ANO3: variants seen among roughly 807,000 people sequenced by gnomAD.
ANO3 encodes anoctamin 3.
In ANO3, 99 loss-of-function variants were observed where a neutral mutation model predicts 144.8. That is an observed-to-expected ratio of 0.68 (90% confidence interval 0.58 to 0.81). The LOEUF (loss-of-function observed/expected upper bound fraction) is 0.81, where lower values mean the gene tolerates loss of function less well. Ranked by LOEUF, ANO3 falls within the 30% of genes least tolerant of loss-of-function variation. ANO3 has a pLI of 0.00. For synonymous variants in ANO3, 414 were observed against 392.6 expected (o/e 1.05, Z -0.64); for missense variants, 905 against 1,202.2 (o/e 0.75, Z 3.66).
chr11:26,546,578 G>A (rs920397494), intron 11 of ANO3, among the ~76,000 whole-genome samples: 15 of 152,012 alleles, frequency 9.9e-5, no homozygotes, highest in African/African-American at 3.6e-4. Flanking sequence ...CCAAACAGTG[G>A]TAAAGAAGTC....
chr11:26,410,378 T>G (rs2133985089), intron 1 of ANO3, among the ~76,000 whole-genome samples: 1 of 152,068 alleles, frequency 6.6e-6, no homozygotes, highest in South Asian at 2.1e-4. Flanking sequence ...TTAACTGAGG[T>G]TATATCAGAA....
intron 1 of ANO3, among the ~76,000 whole-genome samples, chr11:26,388,257 T>C (rs1428382447): frequency 6.6e-6 from 1 of 151,834 alleles, no homozygotes; most frequent in Non-Finnish European, 1.5e-5. Context: ...AATACTTTAG[T>C]AGATGAACCC....
intron 8 of ANO3, 83 bp from the exon 9 acceptor site, chr11:26,534,367 TCATATG>T: frequency 1.3e-6 from 1 of 753,980 alleles, no homozygotes; most frequent in South Asian, 2.1e-5. Flanking sequence ...TTACTATGCT[TCATATG>T]CATTAGCTTT....
intron 3 of ANO3, among the ~76,000 whole-genome samples, chr11:26,446,699 T>C (rs1327285665): frequency 2.6e-5 from 4 of 152,234 alleles, no homozygotes; most frequent in African/African-American, 9.6e-5. Context: ...CTCTGAGCTT[T>C]AGTGATTTCA....
chr11:26,308,398 CT>C (rs1854431771), upstream of ANO3, among the ~76,000 whole-genome samples: 4 of 152,310 alleles, frequency 2.6e-5, no homozygotes, highest in South Asian at 8.3e-4. Context: ...ACAGAATTCA[CT>C]CAACCATTAT....
intron 18 of ANO3, among the ~76,000 whole-genome samples, chr11:26,628,897 A>G (rs1852677910): frequency 6.6e-6 from 1 of 152,296 alleles, no homozygotes; most frequent in East Asian, 1.9e-4. Flanking sequence ...CTACCTGGCT[A>G]GCTTGCTTAT....
intron 1 of ANO3, among the ~76,000 whole-genome samples, chr11:26,269,175 C>T (rs1293942732): frequency 6.6e-6 from 1 of 152,188 alleles, no homozygotes; most frequent in Non-Finnish European, 1.5e-5. Flanking sequence ...CAGCTCCCTC[C>T]ACCCTCCATA....
At chr11:26,589,234 T>A (rs956510862) in intron 14 of ANO3, among the ~76,000 whole-genome samples, 2 of 152,208 alleles carry the variant, frequency 1.3e-5, no homozygotes, top group African/African-American at 4.8e-5. Flanking sequence ...TTGCCATATC[T>A]CTTTGTAAAT....
At chr11:26,641,855 G>A (rs777170320) in intron 21 of ANO3, 41 bp from the exon 22 acceptor site, 2 of 1,597,088 alleles carry the variant, frequency 1.3e-6, no homozygotes, top group African/African-American at 2.7e-5. Context: ...CCAGATGCTT[G>A]AATCAGAGCT....
intron 14 of ANO3, among the ~76,000 whole-genome samples, chr11:26,568,302 ATGTAAG>A (rs1287379771): frequency 1.3e-5 from 2 of 152,062 alleles, no homozygotes; most frequent in Non-Finnish European, 2.9e-5. Flanking sequence ...GACATAAATA[ATGTAAG>A]TAATGTGTCC....
At chr11:26,490,943 G>A (rs901216144) in intron 4 of ANO3, among the ~76,000 whole-genome samples, 2 of 152,122 alleles carry the variant, frequency 1.3e-5, no homozygotes, top group Admixed American at 6.6e-5. Context: ...CCTACACCAT[G>A]GTGGTTCTTA....
chr11:26,368,233 A>T (rs1856148242), intron 1 of ANO3, among the ~76,000 whole-genome samples: 3 of 152,320 alleles, frequency 2.0e-5, no homozygotes, highest in South Asian at 4.1e-4. Context: ...GTGCTGAGAG[A>T]GCTCTCTGCT....
At chr11:26,547,896 A>G (rs1849829469) in intron 12 of ANO3, among the ~76,000 whole-genome samples, 1 of 151,938 alleles carries the variant, frequency 6.6e-6, no homozygotes, top group African/African-American at 2.4e-5. Context: ...TATTCATTCA[A>G]ATCATTATAA....
intron 1 of ANO3, among the ~76,000 whole-genome samples, chr11:26,439,556 G>T (rs546158385): frequency 6.6e-5 from 10 of 152,168 alleles, no homozygotes; most frequent in Non-Finnish European, 1.3e-4. Context: ...ATGTTTGCAC[G>T]ACTCTGTGCA....
At chr11:26,610,405 G>T (rs10835016) in intron 17 of ANO3, among the ~76,000 whole-genome samples, 43,623 of 135,818 alleles carry the variant, frequency 0.32, 6,634 homozygotes, top group South Asian at 0.48. Flanking sequence ...CAGGTTATTT[G>T]TTTTTTTGTT....
chr11:26,294,987 C>G (rs1854053367), intron 1 of ANO3, among the ~76,000 whole-genome samples: 2 of 152,070 alleles, frequency 1.3e-5, no homozygotes, highest in Admixed American at 6.5e-5. Context: ...CAACCTCCGC[C>G]TCCTGAATTC....
Position 26,463,150 on chromosome 11 carries a change from T to G in ANO3, c.432+2T>G. On this transcript the variant is annotated splice_donor_variant, in intron 4 of 26. Coordinates refer to ENST00000256737, the MANE Select transcript of ANO3 (RefSeq NM_031418.4). LOFTEE classifies it high-confidence loss of function. ...GAATTCAAGACAAAATTATCTAAGG[T>G]AATGAGAACTAAATTATCAATAAGT... 1 of 1,409,134 alleles carries G rather than the reference T, an allele frequency of 7.1e-7. No homozygotes were observed. Among genetic ancestry groups the G allele is most frequent in the Non-Finnish European group, 9.9e-7 (1 of 1,011,482 alleles). The allele number at this position is 1,409,134 out of a possible 1,614,324, so 87.3% of individuals were successfully genotyped here. A position where few individuals can be genotyped will look rare whatever the true frequency, so the allele number is the denominator to read the frequency against.
At chr11:26,599,746 C>A (rs1404126660) in intron 17 of ANO3, 32 bp downstream of exon 17, 4 of 1,575,278 alleles carry the variant, frequency 2.5e-6, no homozygotes, top group South Asian at 1.2e-5. Flanking sequence ...CTTCAGTAGA[C>A]AAAAAAGGGG....
intron 1 of ANO3, among the ~76,000 whole-genome samples, chr11:26,366,895 T>G (rs1174206880): frequency 6.6e-6 from 1 of 152,052 alleles, no homozygotes; most frequent in Non-Finnish European, 1.5e-5. Flanking sequence ...GTCAGATGAG[T>G]AGGTTGCAAA....
Sources: allele counts gnomAD v4.1 joint callset (sites outside exome capture counted in the v4.1 genomes callset), GRCh38; gene constraint gnomAD v4.1.1; transcripts MANE v1.5; gene names NCBI Gene and HGNC (gene_info 2026-07-23, HGNC 2026-07-21).